CNGB1: variants seen among roughly 807,000 people sequenced by gnomAD.
CNGB1 encodes cyclic nucleotide gated channel subunit beta 1.
In CNGB1, 126 loss-of-function variants were observed where a neutral mutation model predicts 151.7. The observed-to-expected ratio is 0.83, with a 90% CI of 0.72 to 0.96. The LOEUF (loss-of-function observed/expected upper bound fraction) is 0.96. CNGB1 is among the 40% of genes least tolerant of loss of function. The pLI is 0.00. For missense variants in CNGB1, 1,698 were observed against 1,627.0 expected, an observed-to-expected ratio of 1.04 and a Z score of -0.75; for synonymous variants, 623 against 635.1, an observed-to-expected ratio of 0.98 and a Z score of 0.29.
chr16:57,894,525 C>T (rs780441043), intron 31 of CNGB1, among the ~76,000 whole-genome samples: 5 of 152,072 alleles, frequency 3.3e-5, no homozygotes, highest in East Asian at 1.9e-4. Context: ...CACCTGAACC[C>T]GGGAGGTGGA....
At chr16:57,962,475 G>C (rs1962282254) in intron 7 of CNGB1, 90 bp downstream of exon 7, 2 of 1,147,492 alleles carry the variant, frequency 1.7e-6, no homozygotes, top group Admixed American at 1.7e-5. Flanking sequence ...CACACCCTGA[G>C]GTGGTAACAG....
chr16:57,904,301 G>A (rs371568133), intron 26 of CNGB1, among the ~76,000 whole-genome samples: 2 of 152,158 alleles, frequency 1.3e-5, no homozygotes, highest in Non-Finnish European at 2.9e-5. Flanking sequence ...GGTGACGGCG[G>A]CCATGTTGTC....
intron 31 of CNGB1, among the ~76,000 whole-genome samples, chr16:57,889,395 T>C (rs1314845394): frequency 1.3e-5 from 2 of 152,128 alleles, no homozygotes; most frequent in Non-Finnish European, 2.9e-5. Flanking sequence ...CAATTGCTAG[T>C]GGGAGCTGGG....
intron 31 of CNGB1, among the ~76,000 whole-genome samples, chr16:57,893,386 T>C (rs1960145175): frequency 6.6e-6 from 1 of 152,100 alleles, no homozygotes; most frequent in Admixed American, 6.5e-5. Context: ...CCTCCTAAAG[T>C]GCTGGGATTA....
At chr16:57,893,626 CGT>C (rs1960151973) in intron 31 of CNGB1, among the ~76,000 whole-genome samples, 1 of 152,072 alleles carries the variant, frequency 6.6e-6, no homozygotes, top group South Asian at 2.1e-4. Flanking sequence ...GGTGAAACCC[CGT>C]CTCTACTTAA....
chr16:57,923,151 C>G, intron 18 of CNGB1, 122 bp downstream of exon 18: 1 of 691,236 alleles, frequency 1.4e-6, no homozygotes, highest in Non-Finnish European at 2.4e-6. Context: ...ACTTACTGCT[C>G]GGAAGCCACT....
At chr16:57,923,236 AG>A in intron 18 of CNGB1, 36 bp downstream of exon 18, 1 of 1,048,504 alleles carries the variant, frequency 9.5e-7, no homozygotes, top group South Asian at 1.3e-5. Context: ...CCCTCCCCGC[AG>A]TCTTTCAATT....
Position 57,960,516 on chromosome 16 carries a change from C to G in CNGB1, c.549G>C (p.Glu183Asp). The G allele has an allele frequency of 6.2e-7, 1 of 1,613,808 alleles. No individual in the cohort carries two copies. Among genetic ancestry groups the G allele is most frequent in the Non-Finnish European group, 8.5e-7 (1 of 1,179,862 alleles). The change falls in exon 9 of 33, where the codon GAG becomes GAC. Residue 183 changes from glutamate to aspartate, a missense_variant. Physicochemically the swap from Glu to Asp is conservative, Grantham distance 45. Coordinates refer to ENST00000251102, the MANE Select transcript of CNGB1 (RefSeq NM_001297.5). ...AGGCAGCACCTGTAGCAACTGCAGG[C>G]TCATCTCTCCAGACCTGGGTGACAA... Reference protein sequence around the residue: ...PPKSSEVWRDEPAVATGAASD... With the variant: ...PPKSSEVWRDDPAVATGAASD...
At chr16:57,900,674 C>T (rs1196946040) in intron 29 of CNGB1, among the ~76,000 whole-genome samples, 1 of 152,082 alleles carries the variant, frequency 6.6e-6, no homozygotes, top group South Asian at 2.1e-4. Context: ...GGGGCTGTGG[C>T]ATCAGGAAGG....
At chr16:57,954,846 G>C (rs1962043428) in intron 12 of CNGB1, 1 of 998,812 alleles carries the variant, frequency 1.0e-6, no homozygotes, top group Admixed American at 5.5e-5. Flanking sequence ...ACTGGGGGCT[G>C]TGCACGCGTC....
In CNGB1 at chr16:57,962,586, G is replaced by C. The variant is rs1962285448; in HGVS notation, c.437C>G (p.Ala146Gly). 6.2e-7 allele frequency: 1 copy of C among 1,613,934 alleles called. No individual in the cohort carries two copies. Among genetic ancestry groups the C allele is most frequent in the African/African-American group, 1.3e-5 (1 of 74,916 alleles). Residue 146 changes from alanine to glycine, a missense_variant, in exon 7 of 33, where the codon GCC becomes GGC. Coordinates refer to ENST00000251102, the MANE Select transcript of CNGB1 (RefSeq NM_001297.5). ...TCACCTAGTGTCTTGGGCCTCAAGG[G>C]CCTCATTGGGTTCATCTGTGCACCC... ...DTGCTDEPNE[A>G]LEAQDTRPGL...
At chr16:57,962,455 T>C in intron 7 of CNGB1, 110 bp downstream of exon 7, 3 of 938,084 alleles carry the variant, frequency 3.2e-6, no homozygotes, top group South Asian at 1.3e-5. Flanking sequence ...ACGGGAGGCA[T>C]GTCCAAGGTC....
At chr16:57,897,727 C>G in intron 30 of CNGB1, 69 bp downstream of exon 30, 32 of 1,562,492 alleles carry the variant, frequency 2.0e-5, no homozygotes, top group Non-Finnish European at 2.8e-5. Flanking sequence ...GACACTCGCA[C>G]TGCCCGCTGG....
At chr16:57,913,691 G>A (rs1307629616) in intron 23 of CNGB1, among the ~76,000 whole-genome samples, 1 of 152,158 alleles carries the variant, frequency 6.6e-6, no homozygotes, top group Non-Finnish European at 1.5e-5. Flanking sequence ...GTGTTACCCA[G>A]GTTGGTCTCA....
intron 25 of CNGB1, among the ~76,000 whole-genome samples, chr16:57,911,090 G>A (rs1314202352): frequency 6.6e-6 from 1 of 152,108 alleles, no homozygotes; most frequent in African/African-American, 2.4e-5. Flanking sequence ...GTGCTGGGGA[G>A]TATTCTCTGG....
chr16:57,954,847 T>C (rs1597008619), intron 12 of CNGB1: 1 of 999,076 alleles, frequency 1.0e-6, no homozygotes, highest in East Asian at 1.1e-4. Context: ...CTGGGGGCTG[T>C]GCACGCGTCC....
At chr16:57,945,501 T>C (rs1961784084) in intron 14 of CNGB1, among the ~76,000 whole-genome samples, 1 of 152,254 alleles carries the variant, frequency 6.6e-6, no homozygotes, top group Admixed American at 6.5e-5. Flanking sequence ...TCTGCTCATC[T>C]GTCAAATGGG....
In CNGB1 at chr16:57,904,767, C is replaced by T. The variant is rs371181221; in HGVS notation, c.2601G>A (p.Thr867=). Residue 867 remains threonine (T), a synonymous_variant, in exon 26 of 33, where the codon ACG becomes ACA. Transcript: ENST00000251102. ...EIVFQLLNYF[T]GVFAFSVMIG... ...TCATCACAGAGAAAGCAAAGACGCC[C>T]GTGAAATAATTCAGCAGCTGGAAGA... The T allele has an allele frequency of 4.4e-5, 71 of 1,614,016 alleles. No homozygotes were observed. Among genetic ancestry groups the T allele is most frequent in the South Asian group, 4.1e-4 (37 of 91,088 alleles).
At position 57,954,628 on chromosome 16, in the gene CNGB1, C is replaced by G. The variant is rs558372494; in HGVS notation, c.874+2713G>C. On this transcript the variant is annotated intron_variant, in intron 12 of 32. Coordinates refer to ENST00000251102, the MANE Select transcript of CNGB1 (RefSeq NM_001297.5). ...GTCCACCCACTTTTAAAACCTAAAC[C>G]CTTCTTTTAGCTTTATCCTAAGCAA... 3.8e-5 allele frequency: 36 copies of G among 958,772 alleles called. No homozygotes were observed. The African/African-American group carries it at 5.5e-4, about 15-fold the overall frequency. The allele number at this position is 958,772 out of a possible 1,614,324, so 59.4% of individuals were successfully genotyped here. A position where few individuals can be genotyped will look rare whatever the true frequency, so the allele number is the denominator to read the frequency against.
Sources: allele counts gnomAD v4.1 joint callset (sites outside exome capture counted in the v4.1 genomes callset), GRCh38; gene constraint gnomAD v4.1.1; transcripts MANE v1.5; gene names NCBI Gene and HGNC (gene_info 2026-07-23, HGNC 2026-07-21).